Variants in CXXC5 observed in about 807,000 individuals in gnomAD.
The protein encoded by CXXC5 is CXXC finger protein 5, also known as CXXC-type zinc finger protein 5.
In CXXC5, 2 loss-of-function variants were observed where a neutral mutation model predicts 17.6. That is an observed-to-expected ratio of 0.11 (90% CI 0.05 to 0.36). The LOEUF (loss-of-function observed/expected upper bound fraction) is 0.36. Among genes scored for constraint, CXXC5 ranks in the 10% least tolerant of loss-of-function variants. CXXC5 has a pLI of 1.00. For synonymous variants in CXXC5, 171 were observed against 193.0 expected, an observed-to-expected ratio of 0.89 and a Z score of 0.94; for missense variants, 343 against 458.3, an observed-to-expected ratio of 0.75 and a Z score of 2.30.
chr5:139,650,492 C>A (rs1224457030), intron 1 of CXXC5, among the ~76,000 whole-genome samples: 1 of 152,216 alleles, frequency 6.6e-6, no homozygotes, highest in African/African-American at 2.4e-5. Context: ...CGCCCCAGGG[C>A]CGCCGGCAAA....
intron 1 of CXXC5, among the ~76,000 whole-genome samples, chr5:139,671,677 C>A (rs1044351505): frequency 6.6e-6 from 1 of 152,264 alleles, no homozygotes; most frequent in African/African-American, 2.4e-5. Flanking sequence ...CCACCCGCAG[C>A]CCCTTCCCCA....
At chr5:139,667,607 G>T (rs1223174242) in intron 1 of CXXC5, among the ~76,000 whole-genome samples, 1 of 152,106 alleles carries the variant, frequency 6.6e-6, no homozygotes, top group Non-Finnish European at 1.5e-5. Flanking sequence ...ACCATTCCTA[G>T]GCTTCCTTAG....
rs773193801 is a variant in CXXC5, at chr5:139,683,018, T to C, written c.*111T>C. 1.3e-5 allele frequency: 11 copies of C among 869,838 alleles called. No homozygotes were observed. The highest frequency in any genetic ancestry group is 1.8e-5 in the Non-Finnish European group (11 of 618,362). The allele number at this position is 869,838 out of a possible 1,614,324, so 53.9% of individuals were successfully genotyped here. On this transcript the variant is annotated 3_prime_UTR_variant, in exon 3 of 3. Coordinates refer to ENST00000302517, the MANE Select transcript of CXXC5 (RefSeq NM_016463.9). Reference sequence around the variant, plus strand: ...ATGCACCCGTCTTTAGAACCAAAAATATTCTCTCACAGATTTCATTCCTGT... The same window carrying C: ...ATGCACCCGTCTTTAGAACCAAAAACATTCTCTCACAGATTTCATTCCTGT...
chr5:139,659,300 C>T (rs377699022), intron 1 of CXXC5, among the ~76,000 whole-genome samples: 2 of 152,192 alleles, frequency 1.3e-5, no homozygotes, highest in South Asian at 2.1e-4. Flanking sequence ...CGGTGTCCAG[C>T]GGAAAATCCC....
At chr5:139,664,631 G>A (rs991409886) in intron 1 of CXXC5, among the ~76,000 whole-genome samples, 23 of 152,224 alleles carry the variant, frequency 1.5e-4, no homozygotes, top group African/African-American at 4.8e-4. Flanking sequence ...TCTGCCCTGC[G>A]TGCTCTCTGA....
intron 1 of CXXC5, chr5:139,680,008 C>CCTGCTTCTGG (rs1453761367): frequency 6.4e-6 from 1 of 157,186 alleles, no homozygotes; most frequent in Non-Finnish European, 1.4e-5. Context: ...AGAAGGACTG[C>CCTGCTTCTGG]CTGCTTCTGG....
intron 1 of CXXC5, among the ~76,000 whole-genome samples, chr5:139,655,681 G>C (rs866389454): frequency 2.0e-5 from 3 of 151,890 alleles, no homozygotes; most frequent in South Asian, 4.2e-4. Context: ...CTCCTTCCCA[G>C]TGGAACAGAA....
rs555209372 is a variant in CXXC5, at chr5:139,661,764, G to A, written c.-161+12919G>A. ...CCCGTGTTTAGGCTTACACGGAAGA[G>A]GCCCGGCCTTCAGCCATGTTGTGTC... On this transcript the variant is annotated intron_variant, in intron 1 of 2. Transcript: ENST00000302517. This position sits in a 1 kb window ranked among gnomAD's most constrained non-coding sequence, Gnocchi z 4.7. Among the ~76,000 whole-genome samples, 63 of 152,390 alleles carry A rather than the reference G, an allele frequency of 4.1e-4. No homozygotes were observed. The highest frequency in any genetic ancestry group is 6.6e-4 in the Non-Finnish European group (45 of 68,040).
chr5:139,680,823 G>C lies in CXXC5; in HGVS notation c.300G>C (p.Glu100Asp). 6.2e-7 allele frequency: 1 copy of C among 1,612,422 alleles called. No individual in the cohort carries two copies. The highest frequency in any genetic ancestry group is 2.2e-5 in the East Asian group (1 of 44,884). ...GSGGGSMMGGESADKATAAAA... is the reference protein window; with the variant it reads ...GSGGGSMMGGDSADKATAAAA... ...GCGGTGGCAGCATGATGGGCGGAGA[G>C]TCTGCTGACAAGGCCACTGCGGCTG... Residue 100 changes from glutamate (E) to aspartate (D), a missense_variant, in exon 2 of 3, where the codon GAG becomes GAC. Physicochemically the swap from Glu to Asp is conservative, Grantham distance 45. Coordinates refer to ENST00000302517, the MANE Select transcript of CXXC5 (RefSeq NM_016463.9).
chr5:139,650,052 C>T (rs1755080996), intron 1 of CXXC5, among the ~76,000 whole-genome samples: 1 of 152,226 alleles, frequency 6.6e-6, no homozygotes, highest in Non-Finnish European at 1.5e-5. Context: ...AGAGCTGAAA[C>T]GCCCAAAGTG....
At chr5:139,675,475 G>C (rs1414136190) in intron 1 of CXXC5, 1 of 152,192 alleles carries the variant, frequency 6.6e-6, no homozygotes, top group Non-Finnish European at 1.5e-5. Context: ...AAGTGCCCCA[G>C]GTGGGGGCAC....
chr5:139,650,496 C>A (rs909239540), intron 1 of CXXC5, among the ~76,000 whole-genome samples: 1 of 152,224 alleles, frequency 6.6e-6, no homozygotes, highest in African/African-American at 2.4e-5. Flanking sequence ...CCAGGGCCGC[C>A]GGCAAACAGA....
At chr5:139,676,981 C>G (rs1346819636) in intron 1 of CXXC5, among the ~76,000 whole-genome samples, 1 of 151,246 alleles carries the variant, frequency 6.6e-6, no homozygotes, top group Non-Finnish European at 1.5e-5. Flanking sequence ...GACTCGTCCC[C>G]CCTCAGCCCC....
chr5:139,666,609 C>T (rs769817358), intron 1 of CXXC5, among the ~76,000 whole-genome samples: 6 of 152,328 alleles, frequency 3.9e-5, no homozygotes, highest in South Asian at 4.1e-4. Flanking sequence ...GGGAGATGAA[C>T]GTGGGCGCTC....
At chr5:139,666,679 G>A (rs1581594660) in intron 1 of CXXC5, among the ~76,000 whole-genome samples, 3 of 152,226 alleles carry the variant, frequency 2.0e-5, no homozygotes, top group Admixed American at 1.3e-4. Context: ...TTGCTCATGC[G>A]GGAAATGGGG....
In CXXC5 at chr5:139,668,446, AT is replaced by A. The variant is rs1357813231; in HGVS notation, c.-160-11916del. On this transcript the variant is annotated intron_variant, in intron 1 of 2. Coordinates refer to ENST00000302517, the MANE Select transcript of CXXC5 (RefSeq NM_016463.9). The surrounding 1 kb of genome is among the most constrained non-coding windows in gnomAD (Gnocchi z 4.1). ...GCCCGCCCGGGTCCCAGGCCGACTA[AT>A]TAGGCCCGGCTACCTCCCGCGCCGC... Among the ~76,000 whole-genome samples the A allele has an allele frequency of 6.6e-6, 1 of 151,846 alleles. No individual in the cohort carries two copies. Among genetic ancestry groups the A allele is most frequent in the Non-Finnish European group, 1.5e-5 (1 of 67,948 alleles).
chr5:139,656,301 C>A (rs1755495142), intron 1 of CXXC5, among the ~76,000 whole-genome samples: 1 of 152,236 alleles, frequency 6.6e-6, no homozygotes, highest in Admixed American at 6.5e-5. Flanking sequence ...TTGCCACAGT[C>A]CCCTTGGCTC....
chr5:139,667,983 G>T (rs1028607885), intron 1 of CXXC5, among the ~76,000 whole-genome samples: 1 of 152,208 alleles, frequency 6.6e-6, no homozygotes, highest in South Asian at 2.1e-4. Context: ...ATTAGTCAGC[G>T]CTCCAAGGAG....
chr5:139,657,064 T>C (rs1396327813), intron 1 of CXXC5, among the ~76,000 whole-genome samples: 2 of 152,204 alleles, frequency 1.3e-5, no homozygotes, highest in Non-Finnish European at 2.9e-5. Context: ...AAGCCAGTGG[T>C]AATGGGTAGC....
Sources: allele counts gnomAD v4.1 joint callset (sites outside exome capture counted in the v4.1 genomes callset), GRCh38; gene constraint gnomAD v4.1.1; non-coding constraint Gnocchi (gnomAD v3.1); transcripts MANE v1.5; gene names NCBI Gene and HGNC (gene_info 2026-07-23, HGNC 2026-07-21).